DRC8: variants seen among roughly 807,000 people sequenced by gnomAD.
DRC8 encodes the protein dynein regulatory complex protein 8.
chr1:245,112,235 C>T, the DRC8 span, among the ~76,000 whole-genome samples: 1 of 152,146 alleles, frequency 6.6e-6, no homozygotes. Flanking sequence ...CCACCACACC[C>T]GGCTAATTTT....
chr1:245,069,047 C>A, the DRC8 span, among the ~76,000 whole-genome samples: 1 of 152,138 alleles, frequency 6.6e-6, no homozygotes, highest in Non-Finnish European at 1.5e-5. Context: ...TCTACTATAA[C>A]ATGGATGAAA....
the DRC8 span, among the ~76,000 whole-genome samples, chr1:245,064,022 C>T: frequency 2.6e-5 from 4 of 152,142 alleles, no homozygotes; most frequent in Non-Finnish European, 1.5e-5. Context: ...CACGCCCGGC[C>T]CAGATCTCAA....
chr1:245,100,171 G>C, the DRC8 span, among the ~76,000 whole-genome samples: 1 of 152,152 alleles, frequency 6.6e-6, no homozygotes, highest in Non-Finnish European at 1.5e-5. Context: ...GATCACCTGA[G>C]GTCAGGAGTT....
chr1:244,972,271 A>G, the DRC8 span, among the ~76,000 whole-genome samples: 1 of 152,356 alleles, frequency 6.6e-6, no homozygotes, highest in Middle Eastern at 3.4e-3. Context: ...AAGGCATTCT[A>G]CTTAGAACTT....
chr1:245,094,579 T>G, the DRC8 span, among the ~76,000 whole-genome samples: 1 of 152,158 alleles, frequency 6.6e-6, no homozygotes, highest in East Asian at 1.9e-4. Context: ...TCAATGAGAT[T>G]TAACTCTAAC....
chr1:245,064,416 A>T, the DRC8 span, among the ~76,000 whole-genome samples: 1 of 152,180 alleles, frequency 6.6e-6, no homozygotes, highest in Admixed American at 6.5e-5. Context: ...TTCTTAACAA[A>T]ACTGTCCCTT....
At chr1:245,077,591 C>A in the DRC8 span, among the ~76,000 whole-genome samples, 1 of 152,154 alleles carries the variant, frequency 6.6e-6, no homozygotes, top group Non-Finnish European at 1.5e-5. Context: ...GCCAGCTAAT[C>A]CTCAGCAAGA....
the DRC8 span, chr1:245,082,038 C>T: frequency 2.0e-6 from 3 of 1,482,434 alleles, no homozygotes; most frequent in East Asian, 4.5e-5. Context: ...TTGCTGAATA[C>T]ATTTGTTGAA....
the DRC8 span, among the ~76,000 whole-genome samples, chr1:244,980,158 G>A: frequency 6.7e-6 from 1 of 149,230 alleles, no homozygotes; most frequent in East Asian, 2.0e-4. Flanking sequence ...GGTGGAGGTT[G>A]CAGTGAGCCG....
the DRC8 span, among the ~76,000 whole-genome samples, chr1:245,039,970 T>C: frequency 5.3e-5 from 8 of 152,226 alleles, no homozygotes; most frequent in East Asian, 1.9e-4. Context: ...AGCAAAGTTA[T>C]GAATTTTCCT....
At chr1:245,063,536 A>G in the DRC8 span, among the ~76,000 whole-genome samples, 3 of 152,176 alleles carry the variant, frequency 2.0e-5, no homozygotes, top group Admixed American at 2.0e-4. Context: ...TATTGCCTGG[A>G]GCAGCCCATT....
chr1:245,015,752 G>A, the DRC8 span: 2 of 276,300 alleles, frequency 7.2e-6, no homozygotes, highest in Non-Finnish European at 1.4e-5. Context: ...CCAGAATGCT[G>A]ACATTTCTCA....
chr1:245,083,757 A>G, the DRC8 span: 137 of 1,533,848 alleles, frequency 8.9e-5, no homozygotes, highest in Non-Finnish European at 1.2e-4. Flanking sequence ...CAGTTATGCG[A>G]AAGTTATAGG....
chr1:245,070,313 T>C, the DRC8 span, among the ~76,000 whole-genome samples: 11 of 152,294 alleles, frequency 7.2e-5, no homozygotes, highest in Admixed American at 7.2e-4. Flanking sequence ...AACATAATAT[T>C]CCATTAAATG....
the DRC8 span, among the ~76,000 whole-genome samples, chr1:245,037,405 G>A: frequency 6.6e-6 from 1 of 152,138 alleles, no homozygotes; most frequent in African/African-American, 2.4e-5. Context: ...TCTCTATAGA[G>A]GCATTTGACA....
chr1:245,087,426 C>T, the DRC8 span: 4 of 1,511,090 alleles, frequency 2.6e-6, no homozygotes, highest in Non-Finnish European at 3.5e-6. Flanking sequence ...GTTAATTTCA[C>T]ATCTTATCTT....
At chr1:244,985,763 C>T in the DRC8 span, among the ~76,000 whole-genome samples, 4 of 150,602 alleles carry the variant, frequency 2.7e-5, no homozygotes, top group African/African-American at 4.9e-5. Flanking sequence ...ACTTGGGAGG[C>T]GGAGGCATGA....
chr1:245,056,935 C>CAAAAA, the DRC8 span, among the ~76,000 whole-genome samples: 13 of 111,446 alleles, frequency 1.2e-4, 5 homozygotes, highest in Admixed American at 2.1e-4. Context: ...GACTCCATCT[C>CAAAAA]AAAAAAAAAA....
the DRC8 span, among the ~76,000 whole-genome samples, chr1:245,121,471 C>T: frequency 4.6e-5 from 7 of 152,330 alleles, no homozygotes; most frequent in South Asian, 6.2e-4. Context: ...CTCAAGATGG[C>T]AGAGACAGCC....
Sources: allele counts gnomAD v4.1 joint callset (sites outside exome capture counted in the v4.1 genomes callset), GRCh38; gene constraint gnomAD v4.1.1; transcripts MANE v1.5; gene names NCBI Gene and HGNC (gene_info 2026-07-23, HGNC 2026-07-21).